Variants in AHCYL2 observed in about 807,000 individuals in gnomAD.
AHCYL2 encodes adenosylhomocysteinase like 2.
A neutral mutation model predicts 81.4 loss-of-function variants in AHCYL2; 28 were observed. That is an observed-to-expected ratio of 0.34 (90% confidence interval 0.25 to 0.47). AHCYL2 has a LOEUF of 0.47. AHCYL2 is among the 20% of genes least tolerant of loss of function. The pLI is 1.00. For missense variants in AHCYL2, 551 were observed against 785.1 expected (o/e 0.70, Z 3.56); for synonymous variants, 272 against 290.2 (o/e 0.94, Z 0.64).
chr7:129,340,838 T>A (rs979343543), intron 1 of AHCYL2, among the ~76,000 whole-genome samples: 4 of 152,232 alleles, frequency 2.6e-5, no homozygotes, highest in African/African-American at 7.2e-5. Context: ...AAATGTTTAA[T>A]CACTCTTGAA....
intron 1 of AHCYL2, among the ~76,000 whole-genome samples, chr7:129,331,500 G>A (rs1047552021): frequency 1.3e-5 from 2 of 152,242 alleles, no homozygotes; most frequent in East Asian, 1.9e-4. Context: ...TTGATGCAAC[G>A]TATGTTGTTG....
chr7:129,331,218 CCT>C (rs1798406878), intron 1 of AHCYL2, among the ~76,000 whole-genome samples: 1 of 151,944 alleles, frequency 6.6e-6, no homozygotes, highest in South Asian at 2.1e-4. Context: ...TTTTATACAC[CCT>C]GATAGAAATA....
intron 11 of AHCYL2, among the ~76,000 whole-genome samples, chr7:129,412,796 G>C (rs1009336055): frequency 6.6e-6 from 1 of 151,892 alleles, no homozygotes; most frequent in Non-Finnish European, 1.5e-5. Flanking sequence ...GTGTTTATTG[G>C]CCATTTGTAC....
At chr7:129,362,186 G>A (rs1366738120) in intron 1 of AHCYL2, among the ~76,000 whole-genome samples, 5 of 152,064 alleles carry the variant, frequency 3.3e-5, no homozygotes, top group Non-Finnish European at 7.4e-5. Context: ...AGAAACAAAG[G>A]TTCAAAAAGG....
intron 1 of AHCYL2, among the ~76,000 whole-genome samples, chr7:129,371,048 G>A (rs141194164): frequency 9.7e-4 from 148 of 152,298 alleles, no homozygotes; most frequent in Middle Eastern, 3.4e-3. Context: ...GTGTATTGCC[G>A]ATGGATTTCC....
intron 1 of AHCYL2, among the ~76,000 whole-genome samples, chr7:129,342,634 T>C (rs957922948): frequency 2.0e-5 from 3 of 152,198 alleles, no homozygotes; most frequent in African/African-American, 7.2e-5. Context: ...ATTATTCACT[T>C]GCCACCTATT....
intron 1 of AHCYL2, among the ~76,000 whole-genome samples, chr7:129,367,312 A>G (rs1235491315): frequency 6.6e-6 from 1 of 152,200 alleles, no homozygotes; most frequent in Non-Finnish European, 1.5e-5. Context: ...AAAGGGACCA[A>G]AGCAGGCATA....
At chr7:129,385,964 G>A (rs544008293) in intron 2 of AHCYL2, among the ~76,000 whole-genome samples, 4 of 152,128 alleles carry the variant, frequency 2.6e-5, no homozygotes, top group South Asian at 2.1e-4. Context: ...AAATGAGTAC[G>A]GATTCAAAGA....
chr7:129,236,471 G>T lies in AHCYL2; in HGVS notation c.363+11032G>T, dbSNP rs991474216. Among the ~76,000 whole-genome samples, 5 of 151,980 alleles carry T rather than the reference G, an allele frequency of 3.3e-5. No homozygotes were observed. In the East Asian group the frequency reaches 9.6e-4, roughly 29 times the overall value. On this transcript the variant is annotated intron_variant, in intron 1 of 16. Coordinates refer to ENST00000325006, the MANE Select transcript of AHCYL2 (RefSeq NM_015328.4). ...CTGCCTCGGCCTCCCAAAGTGCTGGGATTATAGGTGTGAGCCAATGTACCT... is the reference window on the plus strand; with the variant it reads ...CTGCCTCGGCCTCCCAAAGTGCTGGTATTATAGGTGTGAGCCAATGTACCT...
At chr7:129,375,125 C>T (rs1794616804) in intron 1 of AHCYL2, among the ~76,000 whole-genome samples, 1 of 152,182 alleles carries the variant, frequency 6.6e-6, no homozygotes, top group Non-Finnish European at 1.5e-5. Context: ...CAAACTGGGT[C>T]ACTCTGTGCC....
intron 1 of AHCYL2, among the ~76,000 whole-genome samples, chr7:129,307,837 A>G (rs1220432533): frequency 2.0e-5 from 3 of 151,842 alleles, no homozygotes; most frequent in Admixed American, 6.6e-5. Flanking sequence ...GAATCCTGCC[A>G]GGACTGTTTC....
chr7:129,345,483 A>G (rs1360314169), intron 1 of AHCYL2, among the ~76,000 whole-genome samples: 1 of 152,178 alleles, frequency 6.6e-6, no homozygotes, highest in African/African-American at 2.4e-5. Context: ...TTCTCTTGCA[A>G]CATGTAACTG....
At chr7:129,330,470 A>ATT (rs34481793) in intron 1 of AHCYL2, among the ~76,000 whole-genome samples, 50 of 139,144 alleles carry the variant, frequency 3.6e-4, no homozygotes, top group Admixed American at 5.8e-4. Flanking sequence ...ACTCTGGTAC[A>ATT]TTTTTTTTTT....
At chr7:129,403,899 CTGCTATGAGGTAACCACATCTCAGCT>C (rs1563238306) in intron 7 of AHCYL2, among the ~76,000 whole-genome samples, 2 of 134,734 alleles carry the variant, frequency 1.5e-5, no homozygotes, top group South Asian at 2.3e-4. Context: ...AAATTGGAGC[CTGCTATGAGGTAACCACATCTCAGCT>C]TGCTATGAGG....
intron 8 of AHCYL2, 80 bp from the exon 9 acceptor site, chr7:129,405,756 T>C: frequency 7.5e-7 from 1 of 1,337,646 alleles, no homozygotes; most frequent in Non-Finnish European, 1.0e-6. Context: ...AAAAACCCCA[T>C]GAAAACAAAG....
At chr7:129,363,467 T>A (rs1794003242) in intron 1 of AHCYL2, among the ~76,000 whole-genome samples, 1 of 152,156 alleles carries the variant, frequency 6.6e-6, no homozygotes, top group African/African-American at 2.4e-5. Flanking sequence ...TCTATTTTAG[T>A]TAAAACCTAC....
intron 1 of AHCYL2, among the ~76,000 whole-genome samples, chr7:129,358,695 T>C (rs992541422): frequency 1.3e-5 from 2 of 152,212 alleles, no homozygotes; most frequent in Non-Finnish European, 2.9e-5. Context: ...AATGTGAATG[T>C]ACTTAATGCC....
At chr7:129,318,912 A>C (rs1329349029) in intron 1 of AHCYL2, among the ~76,000 whole-genome samples, 1 of 151,894 alleles carries the variant, frequency 6.6e-6, no homozygotes, top group East Asian at 1.9e-4. Context: ...AGTAAATTCG[A>C]CTATATAATT....
chr7:129,297,377 G>C (rs1391936933), intron 1 of AHCYL2, among the ~76,000 whole-genome samples: 1 of 152,190 alleles, frequency 6.6e-6, no homozygotes, highest in South Asian at 2.1e-4. Context: ...AAAAAGCATA[G>C]GGTAGACAGG....
Sources: allele counts gnomAD v4.1 joint callset (sites outside exome capture counted in the v4.1 genomes callset), GRCh38; gene constraint gnomAD v4.1.1; transcripts MANE v1.5; gene names NCBI Gene and HGNC (gene_info 2026-07-23, HGNC 2026-07-21).